Variants in FXYD6 observed in about 807,000 individuals in gnomAD.
FXYD6 encodes FXYD domain containing ion transport regulator 6.
In FXYD6, 7 loss-of-function variants were observed where a neutral mutation model predicts 16.7. The ratio of observed to expected loss-of-function variants is 0.42; its 90% confidence interval spans 0.24 to 0.79. The LOEUF (loss-of-function observed/expected upper bound fraction) is 0.79. FXYD6 is among the 30% of genes least tolerant of loss of function. The pLI, the probability that FXYD6 is intolerant of heterozygous loss-of-function variation, is 0.28. For missense variants in FXYD6, 111 were observed against 116.2 expected (o/e 0.95, Z 0.21); for synonymous variants, 49 against 43.0 (o/e 1.14, Z -0.54).
intron 1 of FXYD6, among the ~76,000 whole-genome samples, chr11:117,858,762 TTCC>T (rs2056830932): frequency 7.1e-6 from 1 of 139,922 alleles, no homozygotes; most frequent in African/African-American, 2.7e-5. Flanking sequence ...CCTTCCTTCC[TTCC>T]TTCCTTCCTT....
intron 1 of FXYD6, among the ~76,000 whole-genome samples, chr11:117,867,781 T>G (rs2057042040): frequency 6.6e-6 from 1 of 152,092 alleles, no homozygotes; most frequent in Non-Finnish European, 1.5e-5. Context: ...CCTTCCCTTC[T>G]TTGTTTATTC....
chr11:117,841,937 C>T (rs1159433392), intron 3 of FXYD6, 53 bp downstream of exon 3: 1 of 1,613,764 alleles, frequency 6.2e-7, no homozygotes, highest in Non-Finnish European at 8.5e-7. Flanking sequence ...CCCCTCCTGC[C>T]AGGCAGGGCT....
At chr11:117,859,964 C>T (rs532955682) in intron 1 of FXYD6, among the ~76,000 whole-genome samples, 1 of 152,190 alleles carries the variant, frequency 6.6e-6, no homozygotes, top group East Asian at 1.9e-4. Context: ...ATTCTCATCA[C>T]CTGCTTGCTC....
At chr11:117,863,471 A>G (rs2056950610) in intron 1 of FXYD6, among the ~76,000 whole-genome samples, 1 of 151,718 alleles carries the variant, frequency 6.6e-6, no homozygotes, top group Admixed American at 6.5e-5. Flanking sequence ...TACAAGCCAT[A>G]AGTTTAAAAA....
intron 1 of FXYD6, among the ~76,000 whole-genome samples, chr11:117,858,907 C>G (rs1259414699): frequency 6.6e-6 from 1 of 151,902 alleles, no homozygotes; most frequent in African/African-American, 2.4e-5. Flanking sequence ...TCCCGAGTAG[C>G]TGGGACTACA....
chr11:117,874,505 A>G (rs1384712688), intron 1 of FXYD6, among the ~76,000 whole-genome samples: 1 of 152,126 alleles, frequency 6.6e-6, no homozygotes, highest in Non-Finnish European at 1.5e-5. Context: ...GGTAGCCCTA[A>G]CTTTCGCTTT....
chr11:117,843,078 C>T (rs1233987753), intron 1 of FXYD6, among the ~76,000 whole-genome samples: 3 of 152,124 alleles, frequency 2.0e-5, no homozygotes, highest in East Asian at 1.9e-4. Flanking sequence ...GCATTAGAGG[C>T]GTGTGCCATC....
At chr11:117,841,890 G>A in intron 3 of FXYD6, 25 bp from the exon 4 acceptor site, 1 of 1,614,084 alleles carries the variant, frequency 6.2e-7, no homozygotes, top group Non-Finnish European at 8.5e-7. Context: ...AAGGGTGAGA[G>A]AGGAAGGGGC....
chr11:117,839,899 G>C (rs113400549), intron 6 of FXYD6, 69 bp from the exon 7 acceptor site: 2 of 1,597,266 alleles, frequency 1.3e-6, no homozygotes, highest in Non-Finnish European at 1.7e-6. Flanking sequence ...CCCAACAGCA[G>C]CCGTGTCTCT....
chr11:117,842,378 C>T (rs1034580181), intron 2 of FXYD6: 10 of 552,698 alleles, frequency 1.8e-5, no homozygotes, highest in East Asian at 9.4e-5. Context: ...ATGACTTGCA[C>T]GAGGCCAGCA....
intron 1 of FXYD6, chr11:117,868,950 A>G (rs2057070933): frequency 6.6e-6 from 1 of 152,218 alleles, no homozygotes; most frequent in Non-Finnish European, 1.5e-5. Flanking sequence ...TCTGGTTCAG[A>G]GCCTCAGAGC....
rs1199827491 is a variant in FXYD6, at chr11:117,842,794, G to A, written c.-5-13C>T. ...AACTCCATGGCGTCTGGGGACAGAG[G>A]GAGGAAAAAATGATTCTCTGGCTAA... On this transcript the variant is annotated splice_polypyrimidine_tract_variant and intron_variant, in intron 1 of 7. Coordinates refer to ENST00000526014, the MANE Select transcript of FXYD6 (RefSeq NM_022003.4). 1.9e-6 allele frequency: 3 copies of A among 1,555,552 alleles called. No individual in the cohort carries two copies. Among genetic ancestry groups the A allele is most frequent in the Admixed American group, 1.9e-5 (1 of 51,348 alleles).
Position 117,864,517 on chromosome 11 carries a change from C to T in FXYD6, c.-6+12075G>A, listed in dbSNP as rs139971512. ...AAAAAACACAGCAAAAGCTTTATGA[C>T]GTTGGATATGGCAATGGTTTCTTGA... On this transcript the variant is annotated intron_variant, in intron 1 of 7. Coordinates refer to ENST00000526014, the MANE Select transcript of FXYD6 (RefSeq NM_022003.4). Among the ~76,000 whole-genome samples the T allele has an allele frequency of 3.4e-3, 510 of 152,190 alleles. 2 individuals are homozygous for T. Among genetic ancestry groups the T allele is most frequent in the South Asian group, 0.011 (52 of 4,828 alleles).
intron 1 of FXYD6, among the ~76,000 whole-genome samples, chr11:117,869,401 T>C (rs767506219): frequency 2.0e-5 from 3 of 152,174 alleles, no homozygotes; most frequent in Non-Finnish European, 4.4e-5. Context: ...TCAGGCGCCT[T>C]CAGTAGCCCA....
At chr11:117,873,800 A>G (rs2057193074) in intron 1 of FXYD6, among the ~76,000 whole-genome samples, 3 of 152,034 alleles carry the variant, frequency 2.0e-5, no homozygotes, top group Non-Finnish European at 4.4e-5. Flanking sequence ...GGTCTAGGAA[A>G]CTGCCCTTTC....
chr11:117,851,957 A>G (rs1369721995), intron 1 of FXYD6, among the ~76,000 whole-genome samples: 1 of 152,258 alleles, frequency 6.6e-6, no homozygotes, highest in Non-Finnish European at 1.5e-5. Context: ...TCAATCTTGC[A>G]GGCTGGAGCT....
Position 117,840,789 on chromosome 11 carries a change from C to T in FXYD6, c.209+359G>A, listed in dbSNP as rs959800997. Among the ~76,000 whole-genome samples, 5 of 152,142 alleles carry T rather than the reference C, an allele frequency of 3.3e-5. No individual in the cohort carries two copies. The South Asian group carries it at 8.3e-4, about 25-fold the overall frequency. ...AACAGGTGACAAGTGGGGACTGTGTCGCAGGTCCTGTAGAGAGGACCTGGG... is the reference window on the plus strand; with the variant it reads ...AACAGGTGACAAGTGGGGACTGTGTTGCAGGTCCTGTAGAGAGGACCTGGG... On this transcript the variant is annotated intron_variant, in intron 5 of 7. Coordinates refer to ENST00000526014, the MANE Select transcript of FXYD6 (RefSeq NM_022003.4).
intron 1 of FXYD6, among the ~76,000 whole-genome samples, chr11:117,862,212 G>A (rs1248492014): frequency 6.6e-6 from 1 of 152,200 alleles, no homozygotes; most frequent in Non-Finnish European, 1.5e-5. Flanking sequence ...TGGGAAGGAG[G>A]GACACAGGTG....
intron 1 of FXYD6, among the ~76,000 whole-genome samples, chr11:117,863,622 G>A (rs543786720): frequency 2.0e-5 from 3 of 152,254 alleles, no homozygotes; most frequent in Non-Finnish European, 4.4e-5. Flanking sequence ...GAGCAACTAT[G>A]CAAAATAAAC....
Sources: gnomAD v4.1 joint callset for allele counts (sites outside exome capture counted in the v4.1 genomes callset) on GRCh38, gnomAD v4.1.1 for gene constraint, MANE v1.5 for transcripts, NCBI Gene and HGNC (gene_info 2026-07-23, HGNC 2026-07-21) for gene names.